The following BCAT1 variants were observed in gnomAD, a reference collection of about 807,000 sequenced individuals.
The protein encoded by BCAT1 is branched-chain-amino-acid aminotransferase, cytosolic.
Under a neutral mutation model 52.4 loss-of-function variants are expected in BCAT1, and 48 were observed. That is an observed-to-expected ratio of 0.92 (90% CI 0.73 to 1.16). The LOEUF (loss-of-function observed/expected upper bound fraction) is 1.16. Among genes scored for constraint, BCAT1 ranks in the 50% most tolerant of loss-of-function variants. BCAT1 has a pLI of 0.00. For synonymous variants in BCAT1, 167 were observed against 161.3 expected, an observed-to-expected ratio of 1.04 and a Z score of -0.27; for missense variants, 451 against 457.1, an observed-to-expected ratio of 0.99 and a Z score of 0.12.
intron 2 of BCAT1, among the ~76,000 whole-genome samples, chr12:24,899,170 A>G (rs1943030105): frequency 1.3e-5 from 2 of 152,232 alleles, no homozygotes; most frequent in Non-Finnish European, 2.9e-5. Context: ...GTAACAACGT[A>G]TCTCATTGCT....
chr12:24,896,031 T>A (rs144080919), intron 2 of BCAT1, among the ~76,000 whole-genome samples: 42 of 152,276 alleles, frequency 2.8e-4, no homozygotes, highest in African/African-American at 9.9e-4. Context: ...ATTTTGTATT[T>A]TTTTTAGAGA....
chr12:24,901,715 G>T, intron 2 of BCAT1, 99 bp downstream of exon 2: 6 of 1,260,816 alleles, frequency 4.8e-6, no homozygotes, highest in South Asian at 1.4e-5. Context: ...CTAGGAACTG[G>T]GTAACCCACA....
intron 5 of BCAT1, among the ~76,000 whole-genome samples, chr12:24,851,027 C>T (rs1313427697): frequency 2.0e-5 from 3 of 152,118 alleles, no homozygotes; most frequent in Non-Finnish European, 2.9e-5. Flanking sequence ...TCCTCCATCA[C>T]AAGAGCAGTT....
intron 10 of BCAT1, among the ~76,000 whole-genome samples, chr12:24,825,700 T>C (rs977612418): frequency 2.0e-5 from 3 of 152,178 alleles, no homozygotes; most frequent in African/African-American, 7.2e-5. Context: ...TAAAACCAGA[T>C]TACTAGATTT....
chr12:24,861,430 G>T (rs1416515248), intron 5 of BCAT1, among the ~76,000 whole-genome samples: 1 of 152,202 alleles, frequency 6.6e-6, no homozygotes, highest in Non-Finnish European at 1.5e-5. Context: ...AGCAATGCAG[G>T]ATAAGACTAC....
intron 10 of BCAT1, among the ~76,000 whole-genome samples, chr12:24,823,578 C>T (rs1280492767): frequency 6.6e-6 from 1 of 152,154 alleles, no homozygotes; most frequent in East Asian, 1.9e-4. Flanking sequence ...GAGGAAGGGC[C>T]TGGTGTCAGG....
chr12:24,859,618 C>CAAAA (rs71063366), intron 5 of BCAT1, among the ~76,000 whole-genome samples: 28 of 93,984 alleles, frequency 3.0e-4, no homozygotes, highest in African/African-American at 1.1e-3. Flanking sequence ...AGACTCGTCT[C>CAAAA]AAAAAAAAAA....
At position 24,881,877 on chromosome 12, in the gene BCAT1, T is replaced by C. The variant is rs74070610; in HGVS notation, c.280-466A>G. Among the ~76,000 whole-genome samples the C allele has an allele frequency of 7.2e-3, 1,090 of 152,198 alleles. 11 individuals are homozygous for C. The highest frequency in any genetic ancestry group is 0.025 in the African/African-American group (1,049 of 41,492). ...ATAATCCAGATGTGACCAGAGCTGG[T>C]TCAGTCCCTAAATCACAGAAACCAG... On this transcript the variant is annotated intron_variant, in intron 3 of 10. Coordinates refer to ENST00000261192, the MANE Select transcript of BCAT1 (RefSeq NM_005504.7).
chr12:24,873,776 G>T (rs918579225), intron 5 of BCAT1, among the ~76,000 whole-genome samples: 1 of 152,134 alleles, frequency 6.6e-6, no homozygotes, highest in East Asian at 1.9e-4. Flanking sequence ...TCAGATTTTG[G>T]AGTATTCTGA....
At chr12:24,850,096 C>A in intron 5 of BCAT1, 147 bp from the exon 6 acceptor site, 1 of 770,668 alleles carries the variant, frequency 1.3e-6, no homozygotes, top group Non-Finnish European at 1.9e-6. Context: ...TTACACAAAG[C>A]CTAGTGGTTT....
At chr12:24,886,339 G>A (rs1040716462) in intron 3 of BCAT1, among the ~76,000 whole-genome samples, 1 of 152,122 alleles carries the variant, frequency 6.6e-6, no homozygotes, top group African/African-American at 2.4e-5. Context: ...GATCACTTGA[G>A]CCCAGGAGGT....
At chr12:24,878,472 C>A (rs986397048) in intron 5 of BCAT1, 58 bp downstream of exon 5, 8 of 1,505,392 alleles carry the variant, frequency 5.3e-6, no homozygotes, top group South Asian at 5.2e-5. Context: ...TTTCAAACAA[C>A]AATAAACAAT....
chr12:24,864,464 T>C (rs1469613010), intron 5 of BCAT1, among the ~76,000 whole-genome samples: 1 of 152,184 alleles, frequency 6.6e-6, no homozygotes, highest in East Asian at 1.9e-4. Context: ...TGGAGCAGTA[T>C]GTGTGTGACC....
chr12:24,946,427 A>G (rs1296452338), intron 1 of BCAT1, among the ~76,000 whole-genome samples: 3 of 152,226 alleles, frequency 2.0e-5, no homozygotes, highest in Admixed American at 6.5e-5. Context: ...CCCTGAATAT[A>G]TACAGCAGTT....
At position 24,936,712 on chromosome 12, in the gene BCAT1, A is replaced by ATCTCTCTCTCTCTCTCTCTC. The variant is rs112458468; in HGVS notation, c.6+12214_6+12215insGAGAGAGAGAGAGAGAGAGA. Among the ~76,000 whole-genome samples the ATCTCTCTCTCTCTCTCTCTC allele has an allele frequency of 2.8e-3, 313 of 112,024 alleles. 5 individuals are homozygous for ATCTCTCTCTCTCTCTCTCTC. Among genetic ancestry groups the ATCTCTCTCTCTCTCTCTCTC allele is most frequent in the African/African-American group, 8.1e-3 (285 of 35,336 alleles). 73.5% of individuals were successfully genotyped at this position (112,024 alleles called of 152,430 possible). On this transcript the variant is annotated intron_variant, in intron 1 of 10. Transcript: ENST00000261192. ...AAGTAATGGAGCTCTTTAAATCTCA[A>ATCTCTCTCTCTCTCTCTCTC]TCTCTCTCTCTCACACACACACACA...
chr12:24,901,765 A>C, intron 2 of BCAT1, 49 bp downstream of exon 2: 1 of 1,557,650 alleles, frequency 6.4e-7, no homozygotes, highest in Non-Finnish European at 8.8e-7. Context: ...AAATGGATTT[A>C]TTCAGTTGAA....
Position 24,887,007 on chromosome 12 carries a change from G to A in BCAT1, c.280-5596C>T, listed in dbSNP as rs528371113. 2.3e-5 allele frequency among the ~76,000 whole-genome samples: 3 copies of A among 130,872 alleles called. No homozygotes were observed. The South Asian group carries it at 8.2e-4, about 36-fold the overall frequency. 85.9% of individuals were successfully genotyped at this position (130,872 alleles called of 152,430 possible). A position where few individuals can be genotyped will look rare whatever the true frequency, so the allele number is the denominator to read the frequency against. On this transcript the variant is annotated intron_variant, in intron 3 of 10. Transcript: ENST00000261192. The stretch of plus-strand genomic sequence containing the variant: ...GAACCCAGGAGGTGGAGATTACAGT[G>A]AGCCAAGATCACACCACTGCTCTCC...
chr12:24,848,122 C>T (rs1036459437), intron 6 of BCAT1, among the ~76,000 whole-genome samples: 17 of 152,122 alleles, frequency 1.1e-4, no homozygotes, highest in East Asian at 1.9e-4. Flanking sequence ...CTTTCTTCTC[C>T]GGTCTCTTCC....
rs958436930 is a variant in BCAT1, at chr12:24,812,608, A to G, written c.*5400T>C. ...TTATTTGTATTTAGCAACTACATTGAAAGCTGAAGAAGATCTCAATGCTTG... is the reference window on the plus strand; with the variant it reads ...TTATTTGTATTTAGCAACTACATTGGAAGCTGAAGAAGATCTCAATGCTTG... On this transcript the variant is annotated 3_prime_UTR_variant, in exon 11 of 11. Coordinates refer to ENST00000261192, the MANE Select transcript of BCAT1 (RefSeq NM_005504.7). 2.6e-5 allele frequency: 4 copies of G among 152,078 alleles called. No homozygotes were observed. The highest frequency in any genetic ancestry group is 9.7e-5 in the African/African-American group (4 of 41,448). 9.4% of individuals were successfully genotyped at this position (152,078 alleles called of 1,614,324 possible).
Sources: gnomAD v4.1 joint callset for allele counts (sites outside exome capture counted in the v4.1 genomes callset) on GRCh38, gnomAD v4.1.1 for gene constraint, MANE v1.5 for transcripts, NCBI Gene and HGNC (gene_info 2026-07-23, HGNC 2026-07-21) for gene names.